Variants in TMEM237 observed in about 807,000 individuals in gnomAD.
TMEM237 encodes the protein amyotrophic lateral sclerosis 2 (juvenile) chromosome region, candidate 4.
TMEM237 carries 51 observed loss-of-function variants against 59.1 expected under a neutral mutation model. That is an observed-to-expected ratio of 0.86 (90% confidence interval 0.69 to 1.09). The LOEUF (loss-of-function observed/expected upper bound fraction) is 1.09, where lower values mean the gene tolerates loss of function less well. Among genes scored for constraint, TMEM237 ranks in the 50% least tolerant of loss-of-function variants. TMEM237 has a pLI of 0.00. For synonymous variants in TMEM237, 140 were observed against 166.1 expected (o/e 0.84, Z 1.21); for missense variants, 475 against 478.3 (o/e 0.99, Z 0.06).
In TMEM237 at chr2:201,624,296, C is replaced by A; in HGVS notation, c.1186G>T (p.Glu396Ter). Residue 396 changes from glutamate (E) to a stop codon, truncating the protein, a stop_gained, in exon 13 of 13, where the codon GAA becomes TAA. Coordinates refer to ENST00000409883, the MANE Select transcript of TMEM237 (RefSeq NM_001044385.3). LOFTEE classifies it high-confidence loss of function. Reference protein sequence around the residue: ...EELMFSSEVEEYPDKEKEIKA... With the variant: ...EELMFSSEVE ...ATTTCTTTCTCTTTATCAGGATATT[C>A]TTCCACCTCTGAGGAGAACATTAAC... 1.9e-6 allele frequency: 3 copies of A among 1,612,390 alleles called. No homozygotes were observed. The highest frequency in any genetic ancestry group is 1.7e-6 in the Non-Finnish European group (2 of 1,179,054).
chr2:201,639,015 T>C lies in TMEM237; in HGVS notation c.110A>G (p.Lys37Arg). 6.3e-7 allele frequency: 1 copy of C among 1,584,120 alleles called. No individual in the cohort carries two copies. Among genetic ancestry groups the C allele is most frequent in the Non-Finnish European group, 8.6e-7 (1 of 1,164,068 alleles). ...DDIPLSRPKK[K>R]KPRTKNTPAS... The stretch of plus-strand genomic sequence containing the variant: ...TGGTGTGTTTTTTGTTCTGGGCTTC[T>C]TTTTCTTAGGACGACTAAGTGGAAT... The change falls in exon 4 of 13, where the codon AAG becomes AGG. Residue 37 changes from lysine (K) to arginine (R), a missense_variant. By Grantham distance (26) the Lys-to-Arg change is conservative. Transcript: ENST00000409883.
At chr2:201,639,857 G>C (rs1687379791) in intron 3 of TMEM237, among the ~76,000 whole-genome samples, 1 of 152,156 alleles carries the variant, frequency 6.6e-6, no homozygotes, top group African/African-American at 2.4e-5. Flanking sequence ...GGTAGTGAAA[G>C]GTAATGGTCC....
Position 201,629,228 on chromosome 2 carries a change from AC to A in TMEM237, c.869+1del, listed in dbSNP as rs1311551510. On this transcript the variant is annotated splice_donor_variant, in intron 9 of 12. Transcript: ENST00000409883. LOFTEE classifies it high-confidence loss of function. ...AGACAGATCTGGAGTCATAGGCATT[AC>A]CTGTCAAAAGCTGAAATTGTACTCA... is the stretch of plus-strand genomic sequence containing the variant. 2.6e-6 allele frequency: 4 copies of A among 1,552,154 alleles called. No individual in the cohort carries two copies. The highest frequency in any genetic ancestry group is 1.4e-5 in the African/African-American group (1 of 72,608).
At chr2:201,628,648 C>A (rs1957780443) in intron 9 of TMEM237, among the ~76,000 whole-genome samples, 1 of 151,852 alleles carries the variant, frequency 6.6e-6, no homozygotes, top group African/African-American at 2.4e-5. Context: ...AGAATAGACA[C>A]AGATACAGAG....
intron 9 of TMEM237, among the ~76,000 whole-genome samples, chr2:201,628,457 C>T (rs367783450): frequency 1.3e-5 from 2 of 152,258 alleles, no homozygotes; most frequent in South Asian, 2.1e-4. Flanking sequence ...TCATTGGGCT[C>T]TAACTCGGTG....
At chr2:201,634,317 C>T (rs529210111) in intron 5 of TMEM237, 1 of 152,356 alleles carries the variant, frequency 6.6e-6, no homozygotes, top group African/African-American at 2.4e-5. Flanking sequence ...ACCTTCAAGA[C>T]CTTACAATTC....
chr2:201,629,602 T>C, intron 8 of TMEM237, 127 bp downstream of exon 8: 4 of 1,375,872 alleles, frequency 2.9e-6, no homozygotes, highest in Non-Finnish European at 3.9e-6. Context: ...GTTTAAAAAA[T>C]ATACCTACCT....
rs921328061 is a variant in TMEM237 at position 201,635,034 on chromosome 2, T to C, written c.275-1603A>G. The C allele has an allele frequency of 1.6e-5, 3 of 185,466 alleles. No homozygotes were observed. Among genetic ancestry groups the C allele is most frequent in the Non-Finnish European group, 3.8e-5 (3 of 78,702 alleles). The allele number at this position is 185,466 out of a possible 1,614,324, so 11.5% of individuals were successfully genotyped here. A position where few individuals can be genotyped will look rare whatever the true frequency, so the allele number is the denominator to read the frequency against. Reference sequence around the variant, plus strand: ...CTCTTTGTCATTTTTCTAATTATTATAAAAGTCATAATGCTCAAAATATAA... The same window carrying C: ...CTCTTTGTCATTTTTCTAATTATTACAAAAGTCATAATGCTCAAAATATAA... On this transcript the variant is annotated intron_variant, in intron 5 of 12. Coordinates refer to ENST00000409883, the MANE Select transcript of TMEM237 (RefSeq NM_001044385.3). This position sits in a 1 kb window ranked among gnomAD's most constrained non-coding sequence, Gnocchi z 4.5.
chr2:201,632,069 C>G lies in TMEM237; in HGVS notation c.535G>C (p.Val179Leu), dbSNP rs1288079302. The change falls in exon 7 of 13, where the codon GTA becomes CTA. Residue 179 changes from valine (V) to leucine (L), a missense_variant. By Grantham distance (32) the Val-to-Leu change is conservative. Coordinates refer to ENST00000409883, the MANE Select transcript of TMEM237 (RefSeq NM_001044385.3). ...TACTTACGGCTTTTTTCCACAAATACTTTGCCTACAGGCTGGCTAATGCCA... is the reference window on the plus strand; with the variant it reads ...TACTTACGGCTTTTTTCCACAAATAGTTTGCCTACAGGCTGGCTAATGCCA... The part of the protein sequence containing the change: ...PTGISQPVGK[V>L]FVEKSRRFQA... The G allele has an allele frequency of 6.2e-7, 1 of 1,613,678 alleles. No homozygotes were observed. The highest frequency in any genetic ancestry group is 1.7e-5 in the Admixed American group (1 of 59,974).
At chr2:201,642,895 A>C (rs1418410546) in intron 1 of TMEM237, 1 of 1,340,192 alleles carries the variant, frequency 7.5e-7, no homozygotes, top group East Asian at 3.1e-5. Context: ...CGCTGCAATC[A>C]CAGCTTTCCC....
At chr2:201,630,757 T>C (rs1209409) in intron 7 of TMEM237, among the ~76,000 whole-genome samples, 20,402 of 152,098 alleles carry the variant, frequency 0.13, 2,673 homozygotes, top group African/African-American at 0.35. Context: ...AATAAAACCA[T>C]GTGACTAGAA....
rs1278033561 is a variant in TMEM237, at chr2:201,621,494, TA to T, written c.*2760del. 6.6e-6 allele frequency: 1 copy of T among 151,958 alleles called. No individual in the cohort carries two copies. 9.4% of individuals were successfully genotyped at this position (151,958 alleles called of 1,614,324 possible). A position where few individuals can be genotyped will look rare whatever the true frequency, so the allele number is the denominator to read the frequency against. ...GATATCCTTCAATAGGTCAATGAGT[TA>T]AACCAAACAAAACAGTAAAAGGAAA... On this transcript the variant is annotated 3_prime_UTR_variant, in exon 13 of 13. Coordinates refer to ENST00000409883, the MANE Select transcript of TMEM237 (RefSeq NM_001044385.3).
chr2:201,623,324 A>G lies in TMEM237; in HGVS notation c.*931T>C, dbSNP rs896014325. 12 of 332,764 alleles carry G rather than the reference A, an allele frequency of 3.6e-5. No individual in the cohort carries two copies. Among genetic ancestry groups the G allele is most frequent in the Non-Finnish European group, 7.3e-5 (12 of 163,386 alleles). The allele number at this position is 332,764 out of a possible 1,614,324, so 20.6% of individuals were successfully genotyped here. On this transcript the variant is annotated 3_prime_UTR_variant, in exon 13 of 13. Coordinates refer to ENST00000409883, the MANE Select transcript of TMEM237 (RefSeq NM_001044385.3). ...TCTCATATACAACAGCTGAGGTACC[A>G]TTGGATATAGTTCTGAAGAGATCTT... is the stretch of plus-strand genomic sequence containing the variant.
intron 1 of TMEM237, chr2:201,642,816 A>G: frequency 7.4e-7 from 1 of 1,355,570 alleles, no homozygotes. Context: ...AGTCCAGACT[A>G]GCCCTGCCAA....
At position 201,643,273 on chromosome 2, in the gene TMEM237, C is replaced by CGG; in HGVS notation, c.42+85_42+86insCC. On this transcript the variant is annotated intron_variant, in intron 1 of 12. Coordinates refer to ENST00000409883, the MANE Select transcript of TMEM237 (RefSeq NM_001044385.3). The surrounding 1 kb of genome is among the most constrained non-coding windows in gnomAD (Gnocchi z 4.3). ...CCCTTAGTGATTCCCAGCTCGTTGG[C>CGG]GCCCCCCCACACACACCCACCCCCA... is the stretch of plus-strand genomic sequence containing the variant. 1.3e-5 allele frequency: 16 copies of CGG among 1,223,698 alleles called. No homozygotes were observed. The highest frequency in any genetic ancestry group is 1.9e-5 in the Non-Finnish European group (16 of 861,376). The allele number at this position is 1,223,698 out of a possible 1,614,324, so 75.8% of individuals were successfully genotyped here. A position where few individuals can be genotyped will look rare whatever the true frequency, so the allele number is the denominator to read the frequency against.
chr2:201,637,744 C>CAAAAAA (rs60167652), intron 4 of TMEM237, among the ~76,000 whole-genome samples: 4 of 63,394 alleles, frequency 6.3e-5, no homozygotes, highest in African/African-American at 2.3e-4. Flanking sequence ...GACTCCGTCT[C>CAAAAAA]AAAAAAAAAA....
rs1254296679 is a variant in TMEM237 at position 201,635,859 on chromosome 2, T to C, written c.274+889A>G. ...CCTGCAGACAACTTGATTTTGGACT[T>C]CTCACCTAAGAACTATGAAAAAATA... On this transcript the variant is annotated intron_variant, in intron 5 of 12. Transcript: ENST00000409883. The surrounding 1 kb of genome is among the most constrained non-coding windows in gnomAD (Gnocchi z 4.5). 1.3e-5 allele frequency among the ~76,000 whole-genome samples: 2 copies of C among 152,132 alleles called. No individual in the cohort carries two copies. The highest frequency in any genetic ancestry group is 3.9e-4 in the East Asian group (2 of 5,194).
chr2:201,629,784 C>A lies in TMEM237; in HGVS notation c.622G>T (p.Val208Leu). 1 of 1,613,620 alleles carries A rather than the reference C, an allele frequency of 6.2e-7. No homozygotes were observed. Among genetic ancestry groups the A allele is most frequent in the South Asian group, 1.1e-5 (1 of 90,958 alleles). The change falls in exon 8 of 13, where the codon GTG becomes TTG. Residue 208 changes from valine to leucine, a missense_variant. Transcript: ENST00000409883. ...TTENIDVSMD[V>L]KPSWTTRDVA... ...TCTCTGGTGGTCCAGGAAGGCTTCA[C>A]GTCCATTGACACATCTATGTTTTCT...
chr2:201,625,382 A>AAAAAAAAAAG (rs1559584016), intron 12 of TMEM237, among the ~76,000 whole-genome samples: 1 of 152,064 alleles, frequency 6.6e-6, no homozygotes, highest in African/African-American at 2.4e-5. Flanking sequence ...AAATAAAAAA[A>AAAAAAAAAAG]AAAAGATATT....
Sources: gnomAD v4.1 joint callset for allele counts (sites outside exome capture counted in the v4.1 genomes callset) on GRCh38, gnomAD v4.1.1 for gene constraint, Gnocchi (gnomAD v3.1) non-coding constraint, MANE v1.5 for transcripts, NCBI Gene and HGNC (gene_info 2026-07-23, HGNC 2026-07-21) for gene names.